CBR4: variants seen among roughly 807,000 people sequenced by gnomAD.
CBR4 encodes the protein 3-oxoacyl-[acyl-carrier-protein] reductase.
Under a neutral mutation model 21.0 loss-of-function variants are expected in CBR4, and 22 were observed. That is an observed-to-expected ratio of 1.05 (90% CI 0.75 to 1.50). The LOEUF (loss-of-function observed/expected upper bound fraction) is 1.50. Among genes scored for constraint, CBR4 ranks in the 40% most tolerant of loss-of-function variants. The probability of loss-of-function intolerance (pLI) is 0.00; values close to 1 mark genes in which losing one functional copy is unlikely to be tolerated. For missense variants in CBR4, 302 were observed against 286.3 expected, an observed-to-expected ratio of 1.05 and a Z score of -0.40; for synonymous variants, 100 against 104.4, an observed-to-expected ratio of 0.96 and a Z score of 0.26.
chr4:168,952,757 G>C (rs1220678612), intron 2 of CBR4, among the ~76,000 whole-genome samples: 1 of 152,204 alleles, frequency 6.6e-6, no homozygotes. Context: ...CACGAGTCCT[G>C]TGATATGAAC....
intron 2 of CBR4, among the ~76,000 whole-genome samples, chr4:168,977,950 T>TG (rs1415682490): frequency 1.7e-4 from 26 of 152,214 alleles, no homozygotes; most frequent in Admixed American, 1.7e-3. Context: ...ACTACAAACA[T>TG]GGGTATTGCT....
Position 168,926,504 on chromosome 4 carries a change from AAC to A in CBR4, n.170-31741_170-31740del, listed in dbSNP as rs1762598335. On this transcript the variant is annotated intron_variant and non_coding_transcript_variant, in intron 2 of 3. Coordinates refer to the CBR4 transcript ENST00000509108. ...TTTGACTATAAGAAATTAAAAAAAA[AAC>A]ACCAAAATAATATTTTTCTTACTTG... The A allele has an allele frequency of 5.4e-5, 39 of 718,584 alleles. No homozygotes were observed. The South Asian group carries it at 7.3e-4, about 13-fold the overall frequency. 44.5% of individuals were successfully genotyped at this position (718,584 alleles called of 1,614,324 possible). A position where few individuals can be genotyped will look rare whatever the true frequency, so the allele number is the denominator to read the frequency against.
chr4:168,935,144 G>T (rs1249039704), intron 2 of CBR4, among the ~76,000 whole-genome samples: 2 of 152,162 alleles, frequency 1.3e-5, no homozygotes, highest in East Asian at 3.9e-4. Context: ...AGCAGGGTGG[G>T]GTGTCACCTC....
intron 2 of CBR4, among the ~76,000 whole-genome samples, chr4:168,901,914 A>G (rs1230668571): frequency 6.6e-6 from 1 of 152,202 alleles, no homozygotes; most frequent in East Asian, 1.9e-4. Flanking sequence ...GATACTTTAC[A>G]TAATTTAAGT....
chr4:168,940,996 A>G (rs192803978), intron 2 of CBR4, among the ~76,000 whole-genome samples: 90 of 152,376 alleles, frequency 5.9e-4, no homozygotes, highest in Admixed American at 8.5e-4. Flanking sequence ...ATACTGCAGC[A>G]CTGTTCACAA....
intron 4 of CBR4, among the ~76,000 whole-genome samples, chr4:168,998,969 G>A (rs996482386): frequency 5.3e-5 from 8 of 152,006 alleles, no homozygotes; most frequent in South Asian, 4.1e-4. Context: ...TTTGAATTTC[G>A]TACTATATGT....
At chr4:168,973,548 A>G (rs945965658) in intron 2 of CBR4, among the ~76,000 whole-genome samples, 2 of 152,128 alleles carry the variant, frequency 1.3e-5, no homozygotes, top group African/African-American at 4.8e-5. Context: ...GGTTGGTCTC[A>G]AACTCCTGAC....
At chr4:169,009,306 G>A (rs1026362860) in intron 1 of CBR4, among the ~76,000 whole-genome samples, 8 of 152,082 alleles carry the variant, frequency 5.3e-5, no homozygotes, top group African/African-American at 1.9e-4. Context: ...AAGTTTAAAT[G>A]CAATAAAAAA....
chr4:168,948,927 T>C (rs1237995123), intron 2 of CBR4, among the ~76,000 whole-genome samples: 3 of 152,220 alleles, frequency 2.0e-5, no homozygotes, highest in Admixed American at 6.5e-5. Flanking sequence ...TTGATGGAGA[T>C]TGCATTAAAT....
Position 168,899,337 on chromosome 4 carries a change from A to G in CBR4, n.170-4572T>C, listed in dbSNP as rs190873572. ...AAAGGAAGGACTAGAATAACTGTTT[A>G]CTAGCCCAGCAAGGCAGTAAACAGG... On this transcript the variant is annotated intron_variant and non_coding_transcript_variant, in intron 2 of 3. Transcript: ENST00000509108. Among the ~76,000 whole-genome samples the G allele has an allele frequency of 1.4e-3, 216 of 152,284 alleles. 1 individual carries two copies. The highest frequency in any genetic ancestry group is 3.2e-4 in the Non-Finnish European group (22 of 68,024).
At chr4:168,924,836 C>G (rs1303593774) in intron 2 of CBR4, 1 of 1,075,074 alleles carries the variant, frequency 9.3e-7, no homozygotes, top group Admixed American at 1.8e-5. Context: ...ACCCTATTAT[C>G]AGCTACTTGC....
chr4:168,977,165 G>A (rs1764397873), intron 2 of CBR4, among the ~76,000 whole-genome samples: 1 of 151,910 alleles, frequency 6.6e-6, no homozygotes, highest in African/African-American at 2.4e-5. Flanking sequence ...GTCCATCTAA[G>A]CGGGAGCTGC....
At chr4:168,927,210 T>C (rs936922034) in intron 2 of CBR4, 1 of 229,568 alleles carries the variant, frequency 4.4e-6, no homozygotes, top group African/African-American at 2.2e-5. Flanking sequence ...TTGGAAGGAG[T>C]AGGGAGGAGA....
rs1730947524 is a variant in CBR4, at chr4:169,006,861, T to C, written c.294A>G (p.Glu98=). The change falls in exon 3 of 5, where the codon GAA becomes GAG. Residue 98 remains glutamate (E), a synonymous_variant. Coordinates refer to ENST00000306193, the MANE Select transcript of CBR4 (RefSeq NM_032783.5). ...TAGTATGAAGCTGAGATACCATATC[T>C]TCAGTTTTTGTTCTTACTAAAAGAC... ...RDGLLVRTKT[E]DMVSQLHTNL... The C allele has an allele frequency of 1.2e-6, 2 of 1,612,736 alleles. No homozygotes were observed. The highest frequency in any genetic ancestry group is 1.7e-6 in the Non-Finnish European group (2 of 1,178,740).
intron 2 of CBR4, among the ~76,000 whole-genome samples, chr4:168,904,495 G>T (rs939812950): frequency 6.6e-6 from 1 of 152,072 alleles, no homozygotes; most frequent in African/African-American, 2.4e-5. Flanking sequence ...AGGCTGCTGG[G>T]TATCATGTTG....
chr4:168,919,322 G>A (rs1244199219), intron 2 of CBR4, among the ~76,000 whole-genome samples: 4 of 152,008 alleles, frequency 2.6e-5, no homozygotes, highest in Admixed American at 6.6e-5. Flanking sequence ...TCAGGAATCC[G>A]AGACCAGCCT....
intron 4 of CBR4, among the ~76,000 whole-genome samples, chr4:168,995,168 AG>A (rs1765131620): frequency 6.6e-6 from 1 of 152,212 alleles, no homozygotes; most frequent in African/African-American, 2.4e-5. Context: ...TTCCCTTAAA[AG>A]GGCCCTCAGT....
chr4:168,909,161 T>C (rs910809927), intron 2 of CBR4, among the ~76,000 whole-genome samples: 1 of 152,216 alleles, frequency 6.6e-6, no homozygotes, highest in African/African-American at 2.4e-5. Context: ...ATCCTATCTT[T>C]AAGAACAACG....
At chr4:168,895,561 A>G (rs1022891973) in intron 2 of CBR4, among the ~76,000 whole-genome samples, 10 of 152,248 alleles carry the variant, frequency 6.6e-5, no homozygotes, top group Admixed American at 3.3e-4. Context: ...AATGTTACAA[A>G]GAACATCTTA....
Sources: gnomAD v4.1 joint callset for allele counts (sites outside exome capture counted in the v4.1 genomes callset) on GRCh38, gnomAD v4.1.1 for gene constraint, MANE v1.5 for transcripts, NCBI Gene and HGNC (gene_info 2026-07-23, HGNC 2026-07-21) for gene names.